The following FHOD1 variants were observed in gnomAD, a reference collection of about 807,000 sequenced individuals.
The protein encoded by FHOD1 is formin homology 2 domain containing 1.
In FHOD1, 89 loss-of-function variants were observed where a neutral mutation model predicts 111.6. The observed-to-expected ratio is 0.80, with a 90% CI of 0.67 to 0.95. The LOEUF is 0.95. FHOD1 is among the 40% of genes least tolerant of loss of function. FHOD1 has a pLI of 0.00. For missense variants in FHOD1, 1,446 were observed against 1,554.2 expected (o/e 0.93, Z 1.17); for synonymous variants, 618 against 639.0 (o/e 0.97, Z 0.50).
At chr16:67,246,219 T>A (rs1008832480) in intron 1 of FHOD1, among the ~76,000 whole-genome samples, 1 of 152,128 alleles carries the variant, frequency 6.6e-6, no homozygotes, top group African/African-American at 2.4e-5. Context: ...GGGGCAAGTT[T>A]ACGCAACTCG....
At chr16:67,235,919 G>T in intron 11 of FHOD1, 1 of 458,160 alleles carries the variant, frequency 2.2e-6, no homozygotes, top group Non-Finnish European at 2.9e-6. Context: ...GAGTCCCCCA[G>T]CTTTGGTTGC....
intron 10 of FHOD1, 73 bp from the exon 11 acceptor site, chr16:67,236,806 GC>G: frequency 7.8e-7 from 1 of 1,288,522 alleles, no homozygotes. Flanking sequence ...GGTGGGGCCT[GC>G]GGGGCGGGAG....
chr16:67,243,089 G>A (rs1458898627), intron 1 of FHOD1, among the ~76,000 whole-genome samples: 1 of 151,876 alleles, frequency 6.6e-6, no homozygotes, highest in Non-Finnish European at 1.5e-5. Flanking sequence ...AGTGTAATCA[G>A]GTAAGACTGA....
intron 11 of FHOD1, chr16:67,236,319 CAA>C: frequency 7.6e-7 from 1 of 1,317,890 alleles, no homozygotes; most frequent in South Asian, 1.6e-5. Context: ...TGACAAGAGG[CAA>C]AGACAGGCAG....
At position 67,238,412 on chromosome 16, in the gene FHOD1, G is replaced by A. The variant is rs748830125; in HGVS notation, c.409C>T (p.Arg137Cys). ...ATCTGCTTCAGTGAGAAGAGGGAGC[G>A]GCGGAGCTCAGGACCACTGGAGCTA... ...LYSSSGPELR[R>C]SLFSLKQIFQ... is the part of the protein sequence containing the mutation. Residue 137 changes from arginine (R) to cysteine (C), a missense_variant, in exon 4 of 22, where the codon CGC (arginine) becomes TGC (cysteine). Arg to Cys is a radical substitution (Grantham distance 180). Around this residue, in one of 3 missense-constraint regions of FHOD1, gnomAD observed 234 missense variants for 327.4 expected, o/e 0.71. Transcript: ENST00000258201. The surrounding 1 kb of genome is among the most constrained non-coding windows in gnomAD (Gnocchi z 4.2). 4.3e-6 allele frequency: 7 copies of A among 1,613,978 alleles called. No individual in the cohort carries two copies. The highest frequency in any genetic ancestry group is 2.2e-5 in the East Asian group (1 of 44,892).
At chr16:67,236,884 G>T in intron 10 of FHOD1, 82 bp downstream of exon 10, 1 of 1,504,548 alleles carries the variant, frequency 6.6e-7, no homozygotes, top group Non-Finnish European at 8.9e-7. Flanking sequence ...GGGGCCTGAG[G>T]GGGTTGGGGT....
rs551923090 is a variant in FHOD1, at chr16:67,234,219, G to A, written c.1484C>T (p.Thr495Ile). Residue 495 changes from threonine to isoleucine, a missense_variant, in exon 13 of 22, where the codon ACA becomes ATA. Thr to Ile is a moderately conservative substitution (Grantham distance 89). This residue lies in a region of FHOD1 where 1,085 missense variants were observed against 1,108.8 expected (regional missense o/e 0.98). Transcript: ENST00000258201. Reference protein sequence around the residue: ...DSPETAPAARTPQSPAPCVLL... With the variant: ...DSPETAPAARIPQSPAPCVLL... ...GACACAGGGGGCAGGGCTCTGGGGT[G>A]TTCTGGCTGCAGGGGCTGTCTCTGG... 4 of 1,547,520 alleles carry A rather than the reference G, an allele frequency of 2.6e-6. No individual in the cohort carries two copies. The East Asian group carries it at 6.8e-5, about 26-fold the overall frequency.
chr16:67,236,787 T>C, intron 10 of FHOD1, 54 bp from the exon 11 acceptor site: 4 of 1,032,146 alleles, frequency 3.9e-6, no homozygotes, highest in South Asian at 2.8e-5. Flanking sequence ...AGGCGGGGCC[T>C]GTCAGTGGGG....
In FHOD1 at chr16:67,237,751, C is replaced by G. The variant is rs151310312; in HGVS notation, c.660G>C (p.Lys220Asn). ...LCASLSRLVVKTALKLLLVFV... is the reference protein window; with the variant it reads ...LCASLSRLVVNTALKLLLVFV... ...ACACCAACAGCAGCTTCAGGGCTGTCTTCACCACCAAGCGGGACTGAGGAG... is the reference window on the plus strand; with the variant it reads ...ACACCAACAGCAGCTTCAGGGCTGTGTTCACCACCAAGCGGGACTGAGGAG... Residue 220 changes from lysine to asparagine, a missense_variant, in exon 7 of 22, where the codon AAG (lysine) becomes AAC (asparagine). Physicochemically the swap from Lys to Asn is moderately conservative, Grantham distance 94. Transcript: ENST00000258201. The surrounding 1 kb of genome is among the most constrained non-coding windows in gnomAD (Gnocchi z 5.6). 3.0e-5 allele frequency: 49 copies of G among 1,614,124 alleles called. No homozygotes were observed. In the East Asian group the frequency reaches 9.1e-4, roughly 30 times the overall value.
chr16:67,239,730 G>A (rs1437352167), intron 1 of FHOD1, among the ~76,000 whole-genome samples: 1 of 152,136 alleles, frequency 6.6e-6, no homozygotes, highest in Admixed American at 6.5e-5. Flanking sequence ...ACTCCACCCT[G>A]TGTGTATGCT....
Position 67,231,164 on chromosome 16 carries a change from T to TG in FHOD1, c.2667+23dup. 1 of 1,612,864 alleles carries TG rather than the reference T, an allele frequency of 6.2e-7. No individual in the cohort carries two copies. Among genetic ancestry groups the TG allele is most frequent in the Non-Finnish European group, 8.5e-7 (1 of 1,179,254 alleles). On this transcript the variant is annotated intron_variant, in intron 17 of 21. Coordinates refer to ENST00000258201, the MANE Select transcript of FHOD1 (RefSeq NM_013241.3). This position sits in a 1 kb window ranked among gnomAD's most constrained non-coding sequence, Gnocchi z 4.3. Reference sequence around the variant, plus strand: ...GCGCTCCTCATGCCTTGTCCGGCCTTGGTTGATTCTGGCAGGTGCTAACCT... The same window carrying TG: ...GCGCTCCTCATGCCTTGTCCGGCCTTGGGTTGATTCTGGCAGGTGCTAACCT...
intron 17 of FHOD1, 116 bp from the exon 18 acceptor site, chr16:67,230,907 A>C: frequency 8.8e-7 from 1 of 1,132,570 alleles, no homozygotes; most frequent in East Asian, 2.4e-5. Context: ...CAGACATCCA[A>C]ATCTCATAGA....
Position 67,234,156 on chromosome 16 carries a change from T to C in FHOD1, c.1547A>G (p.Lys516Arg), listed in dbSNP as rs201535041. The C allele has an allele frequency of 1.3e-6, 2 of 1,560,378 alleles. No individual in the cohort carries two copies. Among genetic ancestry groups the C allele is most frequent in the South Asian group, 1.2e-5 (1 of 82,148 alleles). The change falls in exon 13 of 22, where the codon AAG (lysine) becomes AGG (arginine). Residue 516 changes from lysine to arginine, a missense_variant. Physicochemically the swap from Lys to Arg is conservative, Grantham distance 26 (BLOSUM62 2). Around this residue, in one of 3 missense-constraint regions of FHOD1, gnomAD observed 1,085 missense variants for 1,108.8 expected, o/e 0.98. Coordinates refer to ENST00000258201, the MANE Select transcript of FHOD1 (RefSeq NM_013241.3). ...RAQRSLAPEP[K>R]EPLIPASPKA... ...GGGGCTTGCTGGTATCAGTGGCTCC[T>C]TGGGCTCTGGTGCAAGGCTTCGCTG...
At chr16:67,236,315 G>C in intron 11 of FHOD1, 1 of 1,285,610 alleles carries the variant, frequency 7.8e-7, no homozygotes, top group African/African-American at 1.5e-5. Context: ...GACATGACAA[G>C]AGGCAAAGAC....
intron 11 of FHOD1, chr16:67,236,292 A>ATT: frequency 9.4e-7 from 1 of 1,063,102 alleles, no homozygotes; most frequent in Non-Finnish European, 1.3e-6. Flanking sequence ...GGAGTGACAG[A>ATT]TAGTGGGCGG....
intron 11 of FHOD1, chr16:67,236,204 G>T: frequency 5.1e-6 from 2 of 392,230 alleles, no homozygotes; most frequent in Non-Finnish European, 7.0e-6. Flanking sequence ...GGTATGACAC[G>T]AGGAAACTGG....
intron 13 of FHOD1, among the ~76,000 whole-genome samples, chr16:67,233,180 G>A (rs1023611149): frequency 6.6e-6 from 1 of 151,316 alleles, no homozygotes; most frequent in Non-Finnish European, 1.5e-5. Context: ...TCTACCTCCC[G>A]GGTTCAAGTG....
Position 67,239,458 on chromosome 16 carries a change from G to C in FHOD1, c.202-4C>G. ...CTTGCAGAGCACAATCCTCCAACTG[G>C]GGGCAAAGGGAACAGCTGTGAGACT... On this transcript the variant is annotated splice_region_variant and splice_polypyrimidine_tract_variant and intron_variant, in intron 1 of 21. Coordinates refer to ENST00000258201, the MANE Select transcript of FHOD1 (RefSeq NM_013241.3). 6.2e-7 allele frequency: 1 copy of C among 1,609,576 alleles called. No individual in the cohort carries two copies.
Position 67,229,951 on chromosome 16 carries a change from C to G in FHOD1, c.3254G>C (p.Gly1085Ala). 6.2e-7 allele frequency: 1 copy of G among 1,614,160 alleles called. No individual in the cohort carries two copies. Among genetic ancestry groups the G allele is most frequent in the Non-Finnish European group, 8.5e-7 (1 of 1,180,040 alleles). The change falls in exon 21 of 22, where the codon GGG becomes GCG. Residue 1085 changes from glycine to alanine, a missense_variant. Coordinates refer to ENST00000258201, the MANE Select transcript of FHOD1 (RefSeq NM_013241.3). ...QSSSPIMPTV[G>A]PSTASPEEPP... ...TTCTTCTGGGGATGCAGTGGAGGGC[C>G]CCACTGTGGGCATGATTGGGGAGCT... is the stretch of plus-strand genomic sequence containing the variant.
Sources: gnomAD v4.1 joint callset for allele counts (sites outside exome capture counted in the v4.1 genomes callset) on GRCh38, gnomAD v4.1.1 for gene constraint, gnomAD v4.1.1 regional missense constraint, Gnocchi (gnomAD v3.1) non-coding constraint, MANE v1.5 for transcripts, NCBI Gene and HGNC (gene_info 2026-07-23, HGNC 2026-07-21) for gene names.